The following CEP295 variants were observed in gnomAD, a reference collection of about 807,000 sequenced individuals.
CEP295 encodes the protein centrosomal protein 295.
Under a neutral mutation model 291.6 loss-of-function variants are expected in CEP295, and 190 were observed. The ratio of observed to expected loss-of-function variants is 0.65; its 90% CI spans 0.58 to 0.73. The LOEUF (loss-of-function observed/expected upper bound fraction) is 0.73, where lower values mean the gene tolerates loss of function less well. Among genes scored for constraint, CEP295 ranks in the 30% least tolerant of loss-of-function variants. The probability of loss-of-function intolerance (pLI) is 0.00; values close to 1 mark genes in which losing one functional copy is unlikely to be tolerated. For missense variants in CEP295, 2,863 were observed against 2,949.4 expected, an observed-to-expected ratio of 0.97 and a Z score of 0.68; for synonymous variants, 993 against 1,038.8, an observed-to-expected ratio of 0.96 and a Z score of 0.85.
intron 18 of CEP295, among the ~76,000 whole-genome samples, 156 bp from the exon 19 acceptor site, chr11:93,721,156 T>G (rs1291201026): frequency 6.6e-6 from 1 of 152,176 alleles, no homozygotes; most frequent in Non-Finnish European, 1.5e-5. Flanking sequence ...TACGGTGAAT[T>G]TTTTCTTTGA....
chr11:93,688,387 A>C (rs1358085550), intron 10 of CEP295, among the ~76,000 whole-genome samples: 3 of 152,184 alleles, frequency 2.0e-5, no homozygotes, highest in African/African-American at 4.8e-5. Flanking sequence ...CTTTTCACAC[A>C]CAATTCAAGT....
At chr11:93,676,921 A>G (rs1164267970) in intron 6 of CEP295, among the ~76,000 whole-genome samples, 1 of 152,068 alleles carries the variant, frequency 6.6e-6, no homozygotes, top group African/African-American at 2.4e-5. Flanking sequence ...AAAGTTCGGG[A>G]CCACAAACAA....
chr11:93,706,916 G>A lies in CEP295; in HGVS notation c.5749+19G>A. The A allele has an allele frequency of 6.6e-7, 1 of 1,519,718 alleles. No individual in the cohort carries two copies. Among genetic ancestry groups the A allele is most frequent in the Non-Finnish European group, 8.9e-7 (1 of 1,128,050 alleles). 94.1% of individuals were successfully genotyped at this position (1,519,718 alleles called of 1,614,324 possible). On this transcript the variant is annotated intron_variant, in intron 18 of 29. Transcript: ENST00000325212. The stretch of plus-strand genomic sequence containing the variant: ...GAAGCAGGTGAGAAATAAATGGAAA[G>A]TGGAATTGTATGCACAAGGATATGT...
At position 93,700,135 on chromosome 11, in the gene CEP295, G is replaced by A; in HGVS notation, c.5223G>A (p.Gln1741=). 2 of 1,551,490 alleles carry A rather than the reference G, an allele frequency of 1.3e-6. No individual in the cohort carries two copies. Among genetic ancestry groups the A allele is most frequent in the Non-Finnish European group, 1.7e-6 (2 of 1,146,918 alleles). ...TACAGAGACAAACAGCATTGCAGCAGCAGATACAGAAACATGAAGAGACTT... is the reference window on the plus strand; with the variant it reads ...TACAGAGACAAACAGCATTGCAGCAACAGATACAGAAACATGAAGAGACTT... ...LLVQRQTALQ[Q]QIQKHEETLK... The change falls in exon 15 of 30, where the codon CAG becomes CAA. Residue 1741 remains glutamine, a synonymous_variant. Coordinates refer to ENST00000325212, the MANE Select transcript of CEP295 (RefSeq NM_033395.2).
intron 1 of CEP295, among the ~76,000 whole-genome samples, chr11:93,665,974 G>C (rs1399194131): frequency 1.3e-5 from 2 of 152,188 alleles, no homozygotes; most frequent in African/African-American, 4.8e-5. Context: ...TAAAGTGTCA[G>C]ATTATAGTTT....
intron 18 of CEP295, among the ~76,000 whole-genome samples, chr11:93,720,865 A>G (rs954402616): frequency 2.0e-5 from 3 of 152,202 alleles, no homozygotes; most frequent in South Asian, 2.1e-4. Flanking sequence ...CCAAAGTGCT[A>G]TGATTACAGG....
In CEP295 at chr11:93,710,616, A is replaced by G. The variant is rs116004229; in HGVS notation, c.5749+3719A>G. Among the ~76,000 whole-genome samples, 1,213 of 152,328 alleles carry G rather than the reference A, an allele frequency of 8.0e-3. 21 individuals are homozygous for G. The highest frequency in any genetic ancestry group is 0.053 in the East Asian group (272 of 5,180). On this transcript the variant is annotated intron_variant, in intron 18 of 29. Transcript: ENST00000325212. The stretch of plus-strand genomic sequence containing the variant: ...TGTCAGGTTTTGGGATTAGGGCAAT[A>G]CTGGCCTTGTGGAATGAGTTTGGAA...
chr11:93,679,504 G>T lies in CEP295; in HGVS notation c.717G>T (p.Lys239Asn), dbSNP rs1182341751. 3 of 1,551,360 alleles carry T rather than the reference G, an allele frequency of 1.9e-6. No homozygotes were observed. The highest frequency in any genetic ancestry group is 2.6e-6 in the Non-Finnish European group (3 of 1,146,868). The change falls in exon 7 of 30, where the codon AAG (lysine) becomes AAT (asparagine). Residue 239 changes from lysine to asparagine, a missense_variant. Lys to Asn is a moderately conservative substitution (Grantham distance 94). Transcript: ENST00000325212. The part of the protein sequence containing the change: ...AAQERMERFE[K>N]AHVRGFQAMK... ...AAGAGAGAATGGAACGGTTTGAAAAGGCACATGTACGGGGATTCCAAGCAA... is the reference window on the plus strand; with the variant it reads ...AAGAGAGAATGGAACGGTTTGAAAATGCACATGTACGGGGATTCCAAGCAA...
intron 26 of CEP295, 37 bp from the exon 27 acceptor site, chr11:93,729,577 T>G (rs574207665): frequency 6.5e-7 from 1 of 1,549,614 alleles, no homozygotes; most frequent in Non-Finnish European, 8.7e-7. Flanking sequence ...GTAGATACTT[T>G]GCCTATTTCT....
In CEP295 at chr11:93,727,220, T is replaced by C; in HGVS notation, c.6744T>C (p.Phe2248=). 1 of 1,551,638 alleles carries C rather than the reference T, an allele frequency of 6.4e-7. No individual in the cohort carries two copies. The highest frequency in any genetic ancestry group is 8.7e-7 in the Non-Finnish European group (1 of 1,146,952). ...GTTCATCTGATGAAGCTAATGTATT[T>C]GATCAGTTAAATGTACAGCATAGCA... ...VYSSSDEANV[F]DQLNVQHSTP... Residue 2248 remains phenylalanine, a synonymous_variant, in exon 24 of 30, where the codon TTT becomes TTC. Transcript: ENST00000325212.
At chr11:93,665,534 C>T (rs960427751) in intron 1 of CEP295, among the ~76,000 whole-genome samples, 1 of 152,056 alleles carries the variant, frequency 6.6e-6, no homozygotes, top group African/African-American at 2.4e-5. Context: ...ATGGTGAACC[C>T]CTGTCTCTAC....
intron 1 of CEP295, among the ~76,000 whole-genome samples, chr11:93,663,823 A>G (rs1438289959): frequency 6.6e-6 from 1 of 152,230 alleles, no homozygotes; most frequent in Non-Finnish European, 1.5e-5. Flanking sequence ...TTGAAATATT[A>G]GGATTTTTTT....
At chr11:93,703,226 C>T (rs901087357) in intron 17 of CEP295, among the ~76,000 whole-genome samples, 10 of 151,806 alleles carry the variant, frequency 6.6e-5, no homozygotes, top group African/African-American at 9.7e-5. Flanking sequence ...AGCCTCCCGA[C>T]GTGCTAGGAT....
intron 17 of CEP295, among the ~76,000 whole-genome samples, chr11:93,706,299 A>G (rs10501807): frequency 0.013 from 1,913 of 152,232 alleles, 37 homozygotes; most frequent in African/African-American, 0.042. Flanking sequence ...TGCACAAATC[A>G]TGTTTGTTTC....
At chr11:93,676,638 G>A (rs10765630) in intron 6 of CEP295, among the ~76,000 whole-genome samples, 146,231 of 152,076 alleles carry the variant, frequency 0.96, 70,568 homozygotes, top group East Asian at 1. Context: ...TATTATTACA[G>A]TTTCGATATT....
At chr11:93,693,382 G>A (rs556470873) in intron 12 of CEP295, among the ~76,000 whole-genome samples, 1 of 152,252 alleles carries the variant, frequency 6.6e-6, no homozygotes, top group South Asian at 2.1e-4. Context: ...TTACTAAGCA[G>A]GCCAGTTTAT....
intron 21 of CEP295, 69 bp from the exon 22 acceptor site, chr11:93,724,185 G>A: frequency 7.1e-7 from 1 of 1,399,838 alleles, no homozygotes; most frequent in Non-Finnish European, 9.7e-7. Flanking sequence ...CTTTTCTAGT[G>A]TTTACCTTAA....
intron 18 of CEP295, among the ~76,000 whole-genome samples, chr11:93,715,380 G>T (rs1312416071): frequency 2.6e-5 from 4 of 152,082 alleles, no homozygotes; most frequent in Non-Finnish European, 5.9e-5. Flanking sequence ...CTTCAGGGCA[G>T]TGGGCTTCCT....
intron 9 of CEP295, among the ~76,000 whole-genome samples, chr11:93,686,362 A>C (rs771649011): frequency 7.9e-4 from 120 of 151,908 alleles, no homozygotes; most frequent in Non-Finnish European, 1.6e-3. Context: ...CAGCTTTTTC[A>C]GTTATTTTCA....
Sources: gnomAD v4.1 joint callset for allele counts (sites outside exome capture counted in the v4.1 genomes callset) on GRCh38, gnomAD v4.1.1 for gene constraint, MANE v1.5 for transcripts, NCBI Gene and HGNC (gene_info 2026-07-23, HGNC 2026-07-21) for gene names.